The following THRB variants were observed in gnomAD, a reference collection of about 807,000 sequenced individuals.
The protein encoded by THRB is nuclear receptor subfamily 1 group A member 2.
Under a neutral mutation model 47.8 loss-of-function variants are expected in THRB, and 12 were observed. The ratio of observed to expected loss-of-function variants is 0.25; its 90% CI spans 0.16 to 0.41. The LOEUF is 0.41. Ranked by LOEUF, THRB falls within the 10% of genes least tolerant of loss-of-function variation. The pLI is 1.00. For missense variants in THRB, 348 were observed against 589.2 expected (o/e 0.59, Z 4.24); for synonymous variants, 218 against 212.2 (o/e 1.03, Z -0.24).
At chr3:24,201,224 CTTAAA>C (rs1291756233) in intron 4 of THRB, among the ~76,000 whole-genome samples, 6 of 151,756 alleles carry the variant, frequency 4.0e-5, no homozygotes, top group Admixed American at 1.3e-4. Context: ...ATTTCAATTT[CTTAAA>C]TTAGAGTTGG....
At chr3:24,429,758 C>T (rs2070174845) in intron 1 of THRB, among the ~76,000 whole-genome samples, 1 of 152,036 alleles carries the variant, frequency 6.6e-6, no homozygotes, top group African/African-American at 2.4e-5. Context: ...ATCCTCCTGC[C>T]TCGGCCTTCC....
chr3:24,388,418 G>A (rs1577252502), intron 1 of THRB, among the ~76,000 whole-genome samples: 1 of 152,076 alleles, frequency 6.6e-6, no homozygotes, highest in Admixed American at 6.6e-5. Flanking sequence ...TTTCTAGAGC[G>A]CCTAACCTGT....
chr3:24,199,057 A>G (rs976041871), intron 4 of THRB, among the ~76,000 whole-genome samples: 3 of 152,356 alleles, frequency 2.0e-5, no homozygotes, highest in African/African-American at 7.2e-5. Flanking sequence ...ACTAGGCTCC[A>G]TAAATTAAAA....
At chr3:24,130,700 A>G (rs1418607505) in intron 9 of THRB, among the ~76,000 whole-genome samples, 4 of 152,214 alleles carry the variant, frequency 2.6e-5, no homozygotes, top group Non-Finnish European at 5.9e-5. Context: ...GAGAGTGCAC[A>G]TACTTTCTCG....
intron 3 of THRB, among the ~76,000 whole-genome samples, chr3:24,233,600 A>AAAGAAAGAAAGG (rs1437865100): frequency 6.7e-6 from 1 of 148,668 alleles, no homozygotes; most frequent in East Asian, 2.0e-4. Context: ...AGAAAGAAAG[A>AAAGAAAGAAAGG]AAGAAAGAAA....
At chr3:24,179,087 G>A (rs537090268) in intron 5 of THRB, among the ~76,000 whole-genome samples, 4 of 152,274 alleles carry the variant, frequency 2.6e-5, no homozygotes, top group East Asian at 1.9e-4. Context: ...AATAAGATTG[G>A]TATAGAGGAC....
intron 4 of THRB, among the ~76,000 whole-genome samples, chr3:24,215,562 G>A (rs1216332825): frequency 1.3e-5 from 2 of 152,282 alleles, no homozygotes; most frequent in East Asian, 3.9e-4. Context: ...TAAACAAAAA[G>A]ATGACTTCAC....
chr3:24,294,478 G>T (rs191995700), intron 3 of THRB, among the ~76,000 whole-genome samples: 2 of 152,210 alleles, frequency 1.3e-5, no homozygotes, highest in Non-Finnish European at 2.9e-5. Flanking sequence ...GCAATTAGAT[G>T]TAAGAGGCAG....
At position 24,274,644 on chromosome 3, in the gene THRB, T is replaced by C. The variant is rs2053713625; in HGVS notation, c.-43+22582A>G. 3.3e-5 allele frequency among the ~76,000 whole-genome samples: 5 copies of C among 152,262 alleles called. No homozygotes were observed. The South Asian group carries it at 1.0e-3, about 32-fold the overall frequency. On this transcript the variant is annotated intron_variant, in intron 3 of 10. Coordinates refer to ENST00000646209, the MANE Select transcript of THRB (RefSeq NM_001354712.2). Reference sequence around the variant, plus strand: ...CATAATCAAAAGCAATTATACCTTATATATGACATACAAAGCAGCTCAATT... The same window carrying C: ...CATAATCAAAAGCAATTATACCTTACATATGACATACAAAGCAGCTCAATT...
chr3:24,204,401 G>C (rs1328916849), intron 4 of THRB, among the ~76,000 whole-genome samples: 3 of 152,232 alleles, frequency 2.0e-5, no homozygotes, highest in South Asian at 2.1e-4. Flanking sequence ...AGGGTCTAGA[G>C]TGGACCTCTA....
intron 1 of THRB, among the ~76,000 whole-genome samples, chr3:24,488,847 CAG>C (rs1348024710): frequency 1.3e-5 from 2 of 152,132 alleles, no homozygotes; most frequent in African/African-American, 4.8e-5. Flanking sequence ...GATGATATCA[CAG>C]AGGGTTTTCG....
chr3:24,464,042 C>G (rs1349412344), intron 1 of THRB, among the ~76,000 whole-genome samples: 1 of 152,180 alleles, frequency 6.6e-6, no homozygotes, highest in Middle Eastern at 3.4e-3. Context: ...GTCAGGAGAT[C>G]GAAACCATCC....
At chr3:24,430,332 AG>A (rs1416781076) in intron 1 of THRB, among the ~76,000 whole-genome samples, 1 of 152,114 alleles carries the variant, frequency 6.6e-6, no homozygotes, top group African/African-American at 2.4e-5. Context: ...CATATGTGAA[AG>A]CTTCATTTAT....
At chr3:24,426,008 G>A (rs1052964640) in intron 1 of THRB, among the ~76,000 whole-genome samples, 5 of 151,750 alleles carry the variant, frequency 3.3e-5, no homozygotes, top group South Asian at 2.1e-4. Flanking sequence ...TAATCCCTCT[G>A]GTCCTTACTT....
At chr3:24,135,326 T>G (rs2034483280) in intron 8 of THRB, among the ~76,000 whole-genome samples, 1 of 152,224 alleles carries the variant, frequency 6.6e-6, no homozygotes, top group South Asian at 2.1e-4. Flanking sequence ...AGGGGAAGGT[T>G]TTAAAAACAT....
chr3:24,300,650 G>A (rs2056874194), intron 2 of THRB, among the ~76,000 whole-genome samples: 1 of 152,180 alleles, frequency 6.6e-6, no homozygotes, highest in African/African-American at 2.4e-5. Flanking sequence ...CCACAGGAAT[G>A]TATTAGACTC....
At chr3:24,303,434 G>A (rs1340348985) in intron 2 of THRB, among the ~76,000 whole-genome samples, 1 of 152,142 alleles carries the variant, frequency 6.6e-6, no homozygotes, top group Non-Finnish European at 1.5e-5. Flanking sequence ...TTTTTCCAAT[G>A]TTCTAGTAGA....
intron 1 of THRB, among the ~76,000 whole-genome samples, chr3:24,346,152 G>C (rs1466596715): frequency 6.6e-6 from 1 of 152,054 alleles, no homozygotes; most frequent in African/African-American, 2.4e-5. Flanking sequence ...GTTATATCTT[G>C]TGGGATTTAA....
At chr3:24,461,207 G>A in intron 1 of THRB, among the ~76,000 whole-genome samples, 1 of 152,160 alleles carries the variant, frequency 6.6e-6, no homozygotes, top group East Asian at 1.9e-4. Context: ...TTTGAAGTGA[G>A]GCAGGCCTGG....
Sources: gnomAD v4.1 joint callset for allele counts (sites outside exome capture counted in the v4.1 genomes callset) on GRCh38, gnomAD v4.1.1 for gene constraint, MANE v1.5 for transcripts, NCBI Gene and HGNC (gene_info 2026-07-23, HGNC 2026-07-21) for gene names.